Variants in SIPA1L1 observed in about 807,000 individuals in gnomAD.
The protein encoded by SIPA1L1 is signal-induced proliferation-associated 1-like protein 1.
In SIPA1L1, 26 loss-of-function variants were observed where a neutral mutation model predicts 162.7. The observed-to-expected ratio is 0.16, with a 90% CI of 0.12 to 0.22. SIPA1L1 has a LOEUF of 0.22. Among genes scored for constraint, SIPA1L1 ranks in the 10% least tolerant of loss-of-function variants. The pLI, the probability that SIPA1L1 is intolerant of heterozygous loss-of-function variation, is 1.00. For synonymous variants in SIPA1L1, 829 were observed against 837.4 expected (o/e 0.99, Z 0.17); for missense variants, 1,874 against 2,241.0 (o/e 0.84, Z 3.31).
intron 4 of SIPA1L1, among the ~76,000 whole-genome samples, chr14:71,568,807 G>A (rs915618381): frequency 1.6e-4 from 24 of 152,118 alleles, no homozygotes; most frequent in Non-Finnish European, 2.6e-4. Flanking sequence ...GTCCATTTCC[G>A]TTTTGTAAAA....
Position 71,709,730 on chromosome 14 carries a change from CACTTT to C in SIPA1L1, c.4208+72_4208+76del, listed in dbSNP as rs2082726931. The C allele has an allele frequency of 5.7e-6, 8 of 1,396,652 alleles. No homozygotes were observed. In the Admixed American group the frequency reaches 1.3e-4, roughly 22 times the overall value. 86.5% of individuals were successfully genotyped at this position (1,396,652 alleles called of 1,614,324 possible). On this transcript the variant is annotated intron_variant, in intron 17 of 23. Transcript: ENST00000381232. The stretch of plus-strand genomic sequence containing the variant: ...TAAGCCCAGTTCCCTGGCCTCAGCC[CACTTT>C]ACTTTGCTCAATAGTGTATAAGGAA...
chr14:71,577,073 A>C (rs1343242716), intron 4 of SIPA1L1, among the ~76,000 whole-genome samples: 4 of 150,584 alleles, frequency 2.7e-5, no homozygotes, highest in African/African-American at 9.7e-5. Flanking sequence ...ACAGAGCAAA[A>C]AAAAAAAAAA....
intron 4 of SIPA1L1, among the ~76,000 whole-genome samples, chr14:71,581,828 CA>C (rs1399380612): frequency 1.3e-5 from 2 of 152,162 alleles, no homozygotes; most frequent in East Asian, 3.8e-4. Context: ...ACACCTCAAA[CA>C]CTATTTTCCT....
rs970969062 is a variant in SIPA1L1, at chr14:71,717,496, A to C, written c.4209-6151A>C. Reference sequence around the variant, plus strand: ...TCTAATGCTCTTTTCCTTTTGTTAGATATTATTGGTTCATTCCCTTCTTAC... The same window carrying C: ...TCTAATGCTCTTTTCCTTTTGTTAGCTATTATTGGTTCATTCCCTTCTTAC... On this transcript the variant is annotated intron_variant, in intron 17 of 23. Transcript: ENST00000381232. 3.3e-5 allele frequency among the ~76,000 whole-genome samples: 5 copies of C among 152,214 alleles called. No individual in the cohort carries two copies. In the South Asian group the frequency reaches 6.2e-4, roughly 19 times the overall value.
chr14:71,323,773 T>A (rs2033447026), intron 2 of SIPA1L1, among the ~76,000 whole-genome samples: 2 of 152,184 alleles, frequency 1.3e-5, no homozygotes, highest in Admixed American at 6.5e-5. Context: ...TGCTGCTATC[T>A]GGCAGGTGCA....
At chr14:71,407,412 T>C (rs976059006) in intron 2 of SIPA1L1, among the ~76,000 whole-genome samples, 2 of 151,654 alleles carry the variant, frequency 1.3e-5, no homozygotes, top group Non-Finnish European at 2.9e-5. Flanking sequence ...TCTTTCTCTT[T>C]CCCTTCCTTC....
chr14:71,542,364 C>CTCCCTG (rs2054488097), intron 4 of SIPA1L1, among the ~76,000 whole-genome samples: 1 of 104,046 alleles, frequency 9.6e-6, no homozygotes, highest in African/African-American at 3.7e-5. Context: ...CTTTCTTCTT[C>CTCCCTG]TTCCTGCTGC....
chr14:71,602,624 G>C (rs1485329049), intron 5 of SIPA1L1, among the ~76,000 whole-genome samples: 3 of 152,170 alleles, frequency 2.0e-5, no homozygotes, highest in Non-Finnish European at 4.4e-5. Flanking sequence ...TTGATTTTCT[G>C]TCTGGATGAT....
intron 13 of SIPA1L1, among the ~76,000 whole-genome samples, chr14:71,692,810 G>A (rs1028853079): frequency 2.0e-5 from 3 of 152,080 alleles, no homozygotes; most frequent in African/African-American, 4.8e-5. Context: ...TTTCCATAAC[G>A]GCTTCCTCTC....
intron 12 of SIPA1L1, among the ~76,000 whole-genome samples, chr14:71,673,706 T>A (rs2044773096): frequency 6.6e-6 from 1 of 152,160 alleles, no homozygotes; most frequent in African/African-American, 2.4e-5. Flanking sequence ...TATAGAAAAA[T>A]TCCTTTGTCT....
At chr14:71,466,249 A>C (rs1048660574) in intron 2 of SIPA1L1, among the ~76,000 whole-genome samples, 16 of 152,168 alleles carry the variant, frequency 1.1e-4, no homozygotes, top group African/African-American at 3.1e-4. Flanking sequence ...CATCCACTAG[A>C]ATTTATGATT....
At chr14:71,723,920 T>G (rs760292263) in intron 18 of SIPA1L1, 34 bp downstream of exon 18, 1 of 1,612,896 alleles carries the variant, frequency 6.2e-7, no homozygotes, top group South Asian at 1.1e-5. Flanking sequence ...GCTGGTGGCT[T>G]GCTTTTAACA....
At chr14:71,473,301 T>C (rs1165723795) in intron 2 of SIPA1L1, among the ~76,000 whole-genome samples, 1 of 152,122 alleles carries the variant, frequency 6.6e-6, no homozygotes, top group African/African-American at 2.4e-5. Context: ...TATATAACTG[T>C]AAGTCTAGAA....
rs2041727702 is a variant in SIPA1L1, at chr14:71,402,319, G to A, written c.-465+81138G>A. 2.6e-5 allele frequency among the ~76,000 whole-genome samples: 4 copies of A among 151,722 alleles called. No individual in the cohort carries two copies. In the South Asian group the frequency reaches 8.3e-4, roughly 32 times the overall value. On this transcript the variant is annotated intron_variant, in intron 2 of 23. Coordinates refer to ENST00000381232, the MANE Select transcript of SIPA1L1 (RefSeq NM_001386936.1). ...AGGATTGTCTTGGGTTTAGATAACA[G>A]TGCCACCACTTCTTAATTTATCTTG...
chr14:71,623,952 G>A (rs2039711208), intron 6 of SIPA1L1, 96 bp from the exon 7 acceptor site: 1 of 1,015,960 alleles, frequency 9.8e-7, no homozygotes. Flanking sequence ...CCCTAGCTCT[G>A]TGAGGAGCCC....
intron 2 of SIPA1L1, among the ~76,000 whole-genome samples, chr14:71,473,653 G>GT (rs1351075427): frequency 6.6e-6 from 1 of 152,216 alleles, no homozygotes; most frequent in African/African-American, 2.4e-5. Context: ...TGGATGAGAT[G>GT]TAAGTCTGTC....
At chr14:71,668,236 C>G (rs1165678666) in intron 10 of SIPA1L1, among the ~76,000 whole-genome samples, 1 of 152,006 alleles carries the variant, frequency 6.6e-6, no homozygotes, top group Non-Finnish European at 1.5e-5. Context: ...GTGAATGGTC[C>G]CTTTTAGCAG....
chr14:71,637,062 A>C (rs1420980430), intron 7 of SIPA1L1, among the ~76,000 whole-genome samples: 2 of 151,020 alleles, frequency 1.3e-5, no homozygotes, highest in East Asian at 2.0e-4. Context: ...AAAAAAAAAA[A>C]AAAAACAGCT....
At chr14:71,336,583 G>T (rs2035115472) in intron 2 of SIPA1L1, among the ~76,000 whole-genome samples, 1 of 152,188 alleles carries the variant, frequency 6.6e-6, no homozygotes, top group African/African-American at 2.4e-5. Context: ...AATATTCCCT[G>T]TCTGCTGACA....
Sources: gnomAD v4.1 joint callset for allele counts (sites outside exome capture counted in the v4.1 genomes callset) on GRCh38, gnomAD v4.1.1 for gene constraint, MANE v1.5 for transcripts, NCBI Gene and HGNC (gene_info 2026-07-23, HGNC 2026-07-21) for gene names.